SRD5A1: variants seen among roughly 807,000 people sequenced by gnomAD.
SRD5A1 encodes the protein steroid 5 alpha-reductase 1.
SRD5A1 carries 22 observed loss-of-function variants against 28.2 expected under a neutral mutation model. The ratio of observed to expected loss-of-function variants is 0.78; its 90% CI spans 0.56 to 1.12. SRD5A1 has a LOEUF of 1.12. Ranked by LOEUF, SRD5A1 falls within the 50% of genes most tolerant of loss-of-function variation. The pLI is 0.00. For missense variants in SRD5A1, 300 were observed against 346.7 expected, an observed-to-expected ratio of 0.87 and a Z score of 1.07; for synonymous variants, 151 against 135.0, an observed-to-expected ratio of 1.12 and a Z score of -0.82.
intron 3 of SRD5A1, among the ~76,000 whole-genome samples, chr5:6,659,778 TAGCTTTGG>T (rs1738950394): frequency 6.6e-6 from 1 of 152,198 alleles, no homozygotes; most frequent in South Asian, 2.1e-4. Context: ...AATATTATCC[TAGCTTTGG>T]AGTCCCTCAT....
At chr5:6,637,729 A>G (rs1033032929) in intron 1 of SRD5A1, among the ~76,000 whole-genome samples, 2 of 151,196 alleles carry the variant, frequency 1.3e-5, no homozygotes, top group African/African-American at 2.4e-5. Flanking sequence ...CTTTGTTAGG[A>G]CTGGTGGCCA....
Position 6,668,343 on chromosome 5 carries a change from A to G in SRD5A1, c.*75A>G. On this transcript the variant is annotated 3_prime_UTR_variant, in exon 5 of 5. Coordinates refer to ENST00000274192, the MANE Select transcript of SRD5A1 (RefSeq NM_001047.4). ...TCTCTATGGACTTTGTAAATAAGTTATATCTTTGTAATTTTCCTGCTACTT... is the reference window on the plus strand; with the variant it reads ...TCTCTATGGACTTTGTAAATAAGTTGTATCTTTGTAATTTTCCTGCTACTT... The G allele has an allele frequency of 2.2e-6, 2 of 911,496 alleles. No homozygotes were observed. The highest frequency in any genetic ancestry group is 3.3e-6 in the Non-Finnish European group (2 of 602,514). 56.5% of individuals were successfully genotyped at this position (911,496 alleles called of 1,614,324 possible).
In SRD5A1 at chr5:6,633,523, A is replaced by G; in HGVS notation, c.-54A>G. ...CCTCCTGCCCCCGCGCCGCCGCCCT[A>G]TATGTTGCCCGCCGCGGCCTCTGGG... On this transcript the variant is annotated 5_prime_UTR_variant, in exon 1 of 5. Coordinates refer to ENST00000274192, the MANE Select transcript of SRD5A1 (RefSeq NM_001047.4). 5.6e-6 allele frequency: 8 copies of G among 1,420,114 alleles called. No homozygotes were observed. In the South Asian group the frequency reaches 9.0e-5, roughly 16 times the overall value. The allele number at this position is 1,420,114 out of a possible 1,614,324, so 88.0% of individuals were successfully genotyped here.
At chr5:6,639,540 A>G (rs547711766) in intron 1 of SRD5A1, among the ~76,000 whole-genome samples, 10 of 152,334 alleles carry the variant, frequency 6.6e-5, no homozygotes, top group Admixed American at 5.2e-4. Flanking sequence ...ATGGACATGG[A>G]GGCAGCCCCG....
chr5:6,638,603 A>G (rs1738271743), intron 1 of SRD5A1, among the ~76,000 whole-genome samples: 3 of 152,266 alleles, frequency 2.0e-5, no homozygotes, highest in African/African-American at 7.2e-5. Flanking sequence ...ACAAGACACC[A>G]TCTCAGCCTG....
In SRD5A1 at chr5:6,673,897, A is replaced by C. The variant is rs900062457; in HGVS notation, c.*5629A>C. On this transcript the variant is annotated 3_prime_UTR_variant, in exon 5 of 5. Coordinates refer to ENST00000274192, the MANE Select transcript of SRD5A1 (RefSeq NM_001047.4). Reference sequence around the variant, plus strand: ...TACTATATGATCCCAACTGTATAACATTCTGAAAAAGGCACAACTATGGAG... The same window carrying C: ...TACTATATGATCCCAACTGTATAACCTTCTGAAAAAGGCACAACTATGGAG... 4.6e-5 allele frequency: 7 copies of C among 152,248 alleles called. No individual in the cohort carries two copies. Among genetic ancestry groups the C allele is most frequent in the Admixed American group, 4.6e-4 (7 of 15,286 alleles). The allele number at this position is 152,248 out of a possible 1,614,324, so 9.4% of individuals were successfully genotyped here. A position where few individuals can be genotyped will look rare whatever the true frequency, so the allele number is the denominator to read the frequency against.
rs1579387948 is a variant in SRD5A1, at chr5:6,633,473, G to A, written c.-104G>A. 1.6e-6 allele frequency: 2 copies of A among 1,289,342 alleles called. No individual in the cohort carries two copies. The highest frequency in any genetic ancestry group is 1.7e-5 in the South Asian group (1 of 59,110). 79.9% of individuals were successfully genotyped at this position (1,289,342 alleles called of 1,614,324 possible). On this transcript the variant is annotated 5_prime_UTR_variant, in exon 1 of 5. Coordinates refer to ENST00000274192, the MANE Select transcript of SRD5A1 (RefSeq NM_001047.4). ...CAGAGTCCCGGCAGTGCGGGACTCC[G>A]GTAGCCGCCCCTCCGGTAGCCGCCC... is the stretch of plus-strand genomic sequence containing the variant.
intron 1 of SRD5A1, among the ~76,000 whole-genome samples, chr5:6,640,432 A>G (rs1738326747): frequency 6.6e-6 from 1 of 152,200 alleles, no homozygotes; most frequent in African/African-American, 2.4e-5. Flanking sequence ...GTTCAGCTCC[A>G]TCATCAAACA....
intron 1 of SRD5A1, among the ~76,000 whole-genome samples, chr5:6,634,511 G>T (rs1738113856): frequency 6.6e-6 from 1 of 152,106 alleles, no homozygotes; most frequent in Non-Finnish European, 1.5e-5. Context: ...TCCCCTTTTG[G>T]TATCTTTGGT....
At chr5:6,663,159 A>C (rs1739062450) in intron 4 of SRD5A1, among the ~76,000 whole-genome samples, 193 bp downstream of exon 4, 5 of 152,220 alleles carry the variant, frequency 3.3e-5, no homozygotes, top group Admixed American at 1.3e-4. Flanking sequence ...CCACATCAGC[A>C]CAGTTGTTCT....
intron 2 of SRD5A1, among the ~76,000 whole-genome samples, chr5:6,653,752 A>G (rs1243386341): frequency 6.6e-6 from 1 of 152,206 alleles, no homozygotes; most frequent in Non-Finnish European, 1.5e-5. Context: ...GTGAACAACA[A>G]CAGAAGAACC....
At chr5:6,656,525 T>G (rs190714806) in intron 3 of SRD5A1, among the ~76,000 whole-genome samples, 49 of 152,348 alleles carry the variant, frequency 3.2e-4, no homozygotes, top group Non-Finnish European at 6.2e-4. Flanking sequence ...GAAAACAGTT[T>G]AAAACATTGG....
At chr5:6,653,616 C>CT (rs1194151630) in intron 2 of SRD5A1, 1 of 152,166 alleles carries the variant, frequency 6.6e-6, no homozygotes, top group East Asian at 1.9e-4. Flanking sequence ...ACCACCTCAC[C>CT]AAGCTGAGCT....
chr5:6,667,049 G>A (rs1389046600), intron 4 of SRD5A1, among the ~76,000 whole-genome samples: 2 of 152,234 alleles, frequency 1.3e-5, no homozygotes, highest in Non-Finnish European at 2.9e-5. Context: ...GGATGGCCTG[G>A]ATCCCAGCAG....
intron 1 of SRD5A1, among the ~76,000 whole-genome samples, chr5:6,649,430 G>C (rs1738601723): frequency 6.6e-6 from 1 of 152,184 alleles, no homozygotes; most frequent in Admixed American, 6.5e-5. Context: ...GTCTACTTAA[G>C]CCTCAGCAGT....
At chr5:6,636,080 AT>A (rs11454295) in intron 1 of SRD5A1, among the ~76,000 whole-genome samples, 28 of 149,682 alleles carry the variant, frequency 1.9e-4, no homozygotes, top group African/African-American at 6.6e-4. Flanking sequence ...TTGCTAGGCT[AT>A]TTTTTTTTTG....
At chr5:6,637,454 G>A (rs911202934) in intron 1 of SRD5A1, among the ~76,000 whole-genome samples, 4 of 152,038 alleles carry the variant, frequency 2.6e-5, no homozygotes, top group Non-Finnish European at 4.4e-5. Flanking sequence ...AAAGTCTCCC[G>A]GAGTCAAGGG....
Position 6,662,840 on chromosome 5 carries a change from C to A in SRD5A1, c.587C>A (p.Ala196Glu). ...GGAGGCTTATTTGAATACGTAACTG[C>A]AGCCAACTATTTTGGAGAAATCATG... ...PRGGLFEYVT[A>E]ANYFGEIMEW... Residue 196 changes from alanine to glutamate, a missense_variant, in exon 4 of 5, where the codon GCA (alanine) becomes GAA (glutamate). Coordinates refer to ENST00000274192, the MANE Select transcript of SRD5A1 (RefSeq NM_001047.4). 6.2e-7 allele frequency: 1 copy of A among 1,612,580 alleles called. No homozygotes were observed. The highest frequency in any genetic ancestry group is 8.5e-7 in the Non-Finnish European group (1 of 1,180,014).
intron 2 of SRD5A1, among the ~76,000 whole-genome samples, chr5:6,654,634 T>G (rs1738784143): frequency 6.6e-6 from 1 of 152,170 alleles, no homozygotes; most frequent in African/African-American, 2.4e-5. Context: ...GGTTTCACCA[T>G]GTTGGCCAGG....
Sources: allele counts gnomAD v4.1 joint callset (sites outside exome capture counted in the v4.1 genomes callset), GRCh38; gene constraint gnomAD v4.1.1; transcripts MANE v1.5; gene names NCBI Gene and HGNC (gene_info 2026-07-23, HGNC 2026-07-21).